Variants in MAST1 observed in about 807,000 individuals in gnomAD.
The protein encoded by MAST1 is microtubule-associated serine/threonine-protein kinase 1.
MAST1 carries 40 observed loss-of-function variants against 124.6 expected under a neutral mutation model. The ratio of observed to expected loss-of-function variants is 0.32; its 90% CI spans 0.25 to 0.42. The LOEUF (loss-of-function observed/expected upper bound fraction) is 0.42. Ranked by LOEUF, MAST1 falls within the 10% of genes least tolerant of loss-of-function variation. The probability of loss-of-function intolerance (pLI) is 1.00; values close to 1 mark genes in which losing one functional copy is unlikely to be tolerated. For synonymous variants in MAST1, 938 were observed against 939.4 expected (o/e 1.00, Z 0.03); for missense variants, 1,558 against 2,181.9 (o/e 0.71, Z 5.70).
chr19:12,848,666 T>C (rs1353059407), intron 7 of MAST1: 1 of 151,268 alleles, frequency 6.6e-6, no homozygotes, highest in East Asian at 1.9e-4. Flanking sequence ...TAAAATAAAA[T>C]ATTAAACTTA....
In MAST1 at chr19:12,847,277, C is replaced by CTG; in HGVS notation, c.328-13_328-12insTG. 1 of 1,600,086 alleles carries CTG rather than the reference C, an allele frequency of 6.2e-7. No individual in the cohort carries two copies. ...CATGGTGGCTCTGACCCCGGCCCTG[C>CTG]CCCTGTCCCCAGTCCTCCTGCTCCT... On this transcript the variant is annotated splice_polypyrimidine_tract_variant and intron_variant, in intron 4 of 25. Coordinates refer to ENST00000251472, the MANE Select transcript of MAST1 (RefSeq NM_014975.3). This position sits in a 1 kb window ranked among gnomAD's most constrained non-coding sequence, Gnocchi z 5.5.
chr19:12,841,080 C>A lies in MAST1; in HGVS notation c.248+14C>A, dbSNP rs565921386. 1.2e-5 allele frequency: 17 copies of A among 1,405,222 alleles called. No homozygotes were observed. In the South Asian group the frequency reaches 2.0e-4, roughly 16 times the overall value. 87.0% of individuals were successfully genotyped at this position (1,405,222 alleles called of 1,614,324 possible). On this transcript the variant is annotated intron_variant, in intron 3 of 25. Coordinates refer to ENST00000251472, the MANE Select transcript of MAST1 (RefSeq NM_014975.3). This position sits in a 1 kb window ranked among gnomAD's most constrained non-coding sequence, Gnocchi z 4.3. The stretch of plus-strand genomic sequence containing the variant: ...CTCCTCCCGAAGGTGAGTCCCTCCC[C>A]TCCAGGGCCCCAGAACCCTGGGCAG...
intron 12 of MAST1, 79 bp from the exon 13 acceptor site, chr19:12,864,730 A>C: frequency 6.4e-7 from 1 of 1,570,354 alleles, no homozygotes; most frequent in African/African-American, 1.3e-5. Context: ...ACAACATAAC[A>C]TGAGAAGTTG....
At position 12,864,880 on chromosome 19, in the gene MAST1, G is replaced by A; in HGVS notation, c.1438G>A (p.Glu480Lys). Residue 480 changes from glutamate (E) to lysine (K), a missense_variant, in exon 13 of 26, where the codon GAG becomes AAG. Around this residue, in one of 10 missense-constraint regions of MAST1, gnomAD observed 145 missense variants for 350.0 expected, o/e 0.41. Coordinates refer to ENST00000251472, the MANE Select transcript of MAST1 (RefSeq NM_014975.3). Reference sequence around the variant, plus strand: ...AGAGATGGCCCGCATGTACTTTGCTGAGACGGTGCTAGCCCTGGAGTATTT... The same window carrying A: ...AGAGATGGCCCGCATGTACTTTGCTAAGACGGTGCTAGCCCTGGAGTATTT... ...PVEMARMYFA[E>K]TVLALEYLHN... is the part of the protein sequence containing the mutation. 1 of 1,614,138 alleles carries A rather than the reference G, an allele frequency of 6.2e-7. No homozygotes were observed. The highest frequency in any genetic ancestry group is 8.5e-7 in the Non-Finnish European group (1 of 1,180,030).
chr19:12,853,486 G>A (rs998029076), intron 10 of MAST1, among the ~76,000 whole-genome samples: 4 of 146,850 alleles, frequency 2.7e-5, no homozygotes, highest in Non-Finnish European at 4.4e-5. Flanking sequence ...AGCCCAGGAA[G>A]TCAAGGCTTC....
Position 12,867,651 on chromosome 19 carries a change from A to C in MAST1, c.2317A>C (p.Ile773Leu), listed in dbSNP as rs1970172155. Residue 773 changes from isoleucine to leucine, a missense_variant and splice_region_variant, in exon 19 of 26, where the codon ATC (isoleucine) becomes CTC (leucine). Around this residue, in one of 10 missense-constraint regions of MAST1, gnomAD observed 287 missense variants for 308.0 expected, o/e 0.93. Transcript: ENST00000251472. The part of the protein sequence containing the change: ...EKTWRGGSPE[I>L]KRFSASEASF... ...GACCTGGAGAGGGGGCTCTCCGGAG[A>C]TGTGAGCAGGGGAATGGCGGAGTTT... 6.3e-7 allele frequency: 1 copy of C among 1,590,724 alleles called. No individual in the cohort carries two copies. Among genetic ancestry groups the C allele is most frequent in the African/African-American group, 1.4e-5 (1 of 74,058 alleles).
rs1404929572 is a variant in MAST1, at chr19:12,865,027, T to TC, written c.1506-15dup. 1.2e-6 allele frequency: 2 copies of TC among 1,613,708 alleles called. No individual in the cohort carries two copies. Among genetic ancestry groups the TC allele is most frequent in the Non-Finnish European group, 1.7e-6 (2 of 1,179,742 alleles). On this transcript the variant is annotated intron_variant, in intron 13 of 25. Coordinates refer to ENST00000251472, the MANE Select transcript of MAST1 (RefSeq NM_014975.3). This position sits in a 1 kb window ranked among gnomAD's most constrained non-coding sequence, Gnocchi z 7.1. The stretch of plus-strand genomic sequence containing the variant: ...GAATGGACGGGCCTCATCCCTGAGA[T>TC]CCCCACCTGTGCCTACAGCCTCCTT...
At chr19:12,852,064 G>A (rs1282904299) in intron 8 of MAST1, 29 bp downstream of exon 8, 1 of 1,613,858 alleles carries the variant, frequency 6.2e-7, no homozygotes. Flanking sequence ...GGTAGGGGTG[G>A]GTTGGTAGAC....
Position 12,874,545 on chromosome 19 carries a change from C to A in MAST1, c.4388C>A (p.Pro1463His). 1 of 1,516,220 alleles carries A rather than the reference C, an allele frequency of 6.6e-7. No individual in the cohort carries two copies. The highest frequency in any genetic ancestry group is 8.8e-7 in the Non-Finnish European group (1 of 1,136,446). 93.9% of individuals were successfully genotyped at this position (1,516,220 alleles called of 1,614,324 possible). A position where few individuals can be genotyped will look rare whatever the true frequency, so the allele number is the denominator to read the frequency against. ...GCGGACTCCAAGGGGTTGCAGGAAC[C>A]CGCACCCCTGGCGCCTTCCGTGCCC... ...LGADSKGLQE[P>H]APLAPSVPEA... Residue 1463 changes from proline to histidine, a missense_variant, in exon 26 of 26, where the codon CCC (proline) becomes CAC (histidine). Coordinates refer to ENST00000251472, the MANE Select transcript of MAST1 (RefSeq NM_014975.3). The surrounding 1 kb of genome is among the most constrained non-coding windows in gnomAD (Gnocchi z 6.6).
chr19:12,858,603 G>A lies in MAST1; in HGVS notation c.1230G>A (p.Leu410=), dbSNP rs770385541. ...FAMKKINKQN[L]ILRNQIQQAF... ...TGAAAAAGATCAACAAGCAGAACTTGATCCTCCGCAACCAGATCCAGCAGG... is the reference window on the plus strand; with the variant it reads ...TGAAAAAGATCAACAAGCAGAACTTAATCCTCCGCAACCAGATCCAGCAGG... Residue 410 remains leucine (L), a synonymous_variant, in exon 12 of 26, where the codon TTG becomes TTA. Transcript: ENST00000251472. 1.2e-6 allele frequency: 2 copies of A among 1,614,252 alleles called. No homozygotes were observed. Among genetic ancestry groups the A allele is most frequent in the Non-Finnish European group, 1.7e-6 (2 of 1,180,048 alleles).
At chr19:12,858,046 T>G (rs1023064579) in intron 10 of MAST1, among the ~76,000 whole-genome samples, 1 of 140,750 alleles carries the variant, frequency 7.1e-6, no homozygotes, top group South Asian at 2.4e-4. Context: ...AAGCTCTAAC[T>G]GTAATTTACT....
chr19:12,848,173 T>C, intron 7 of MAST1, 116 bp downstream of exon 7: 1 of 947,946 alleles, frequency 1.1e-6, no homozygotes, highest in Non-Finnish European at 1.6e-6. Context: ...TTCCAGGCAC[T>C]GGCGTGGAGC....
At chr19:12,864,242 A>G (rs942833946) in intron 12 of MAST1, among the ~76,000 whole-genome samples, 1 of 152,008 alleles carries the variant, frequency 6.6e-6, no homozygotes, top group Non-Finnish European at 1.5e-5. Context: ...CAATTTTTTA[A>G]AAATCAGCTG....
chr19:12,840,312 A>T, intron 1 of MAST1, 134 bp from the exon 2 acceptor site: 1 of 642,066 alleles, frequency 1.6e-6, no homozygotes, highest in East Asian at 2.8e-5. Context: ...TCTTCGAGAA[A>T]CCCTCCCAGG....
Position 12,874,666 on chromosome 19 carries a change from C to T in MAST1, c.4509C>T (p.Leu1503=). The change falls in exon 26 of 26, where the codon CTC becomes CTT. Residue 1503 remains leucine, a synonymous_variant. Coordinates refer to ENST00000251472, the MANE Select transcript of MAST1 (RefSeq NM_014975.3). The surrounding 1 kb of genome is among the most constrained non-coding windows in gnomAD (Gnocchi z 6.6). The part of the protein sequence containing the change: ...GPRSKPASPK[L]SPEPQTPSLA... ...GCTCCAAGCCCGCCTCCCCAAAGCT[C>T]TCCCCGGAGCCCCAGACACCCTCCC... The T allele has an allele frequency of 6.5e-7, 1 of 1,538,444 alleles. No homozygotes were observed. The highest frequency in any genetic ancestry group is 8.8e-7 in the Non-Finnish European group (1 of 1,139,050).
rs1253658107 is a variant in MAST1 at position 12,869,188 on chromosome 19, TCCC to T, written c.2899_2901del (p.Pro967del). The T allele has an allele frequency of 6.2e-7, 1 of 1,614,036 alleles. No homozygotes were observed. Among genetic ancestry groups the T allele is most frequent in the South Asian group, 1.1e-5 (1 of 91,072 alleles). On this transcript the variant is annotated inframe_deletion, in exon 22 of 26. Transcript: ENST00000251472. ...CTCACCAGCTGTCAGTGGGCTCCGC[TCCC>T]CCATCACCATCCAGCGCTCGGGCAA...
chr19:12,843,907 G>A lies in MAST1; in HGVS notation c.327+300G>A, dbSNP rs1217887061. ...TCCCCACTATTTGGGAGGCTGAGAC[G>A]GGAGGATCGCTGGAGTCTGGGAGGT... On this transcript the variant is annotated intron_variant, in intron 4 of 25. Coordinates refer to ENST00000251472, the MANE Select transcript of MAST1 (RefSeq NM_014975.3). This position sits in a 1 kb window ranked among gnomAD's most constrained non-coding sequence, Gnocchi z 4.9. Among the ~76,000 whole-genome samples, 2 of 152,150 alleles carry A rather than the reference G, an allele frequency of 1.3e-5. No homozygotes were observed. The highest frequency in any genetic ancestry group is 6.6e-5 in the Admixed American group (1 of 15,266).
chr19:12,845,583 C>G (rs1233714564), intron 4 of MAST1, among the ~76,000 whole-genome samples: 2 of 149,490 alleles, frequency 1.3e-5, no homozygotes, highest in Non-Finnish European at 3.0e-5. Context: ...CACCCTGTCT[C>G]GAAATAAAAA....
chr19:12,873,468 G>GC lies in MAST1; in HGVS notation c.3411dup (p.Thr1138HisfsTer9). The GC allele has an allele frequency of 6.2e-7, 1 of 1,609,666 alleles. No homozygotes were observed. The highest frequency in any genetic ancestry group is 8.5e-7 in the Non-Finnish European group (1 of 1,179,564). On this transcript the variant is annotated frameshift_variant, in exon 25 of 26. Transcript: ENST00000251472. LOFTEE classifies it low-confidence loss of function (END_TRUNC). ...CTACGCACGGGCTGCCGGCGCGCTC[G>GC]CCCACGCACAGCTACCGCTCCACGC...
Sources: gnomAD v4.1 joint callset for allele counts (sites outside exome capture counted in the v4.1 genomes callset) on GRCh38, gnomAD v4.1.1 for gene constraint, gnomAD v4.1.1 regional missense constraint, Gnocchi (gnomAD v3.1) non-coding constraint, MANE v1.5 for transcripts, NCBI Gene and HGNC (gene_info 2026-07-23, HGNC 2026-07-21) for gene names.